Variants in RIT2 observed in about 807,000 individuals in gnomAD.
The protein encoded by RIT2 is GTP-binding protein Rit2.
In RIT2, 24 loss-of-function variants were observed where a neutral mutation model predicts 23.7. The observed-to-expected ratio is 1.01, with a 90% CI of 0.73 to 1.43. RIT2 has a LOEUF of 1.43. Ranked by LOEUF, RIT2 falls within the 40% of genes most tolerant of loss-of-function variation. The pLI is 0.00. For synonymous variants in RIT2, 107 were observed against 91.1 expected (o/e 1.17, Z -0.99); for missense variants, 236 against 266.9 (o/e 0.88, Z 0.81).
At chr18:42,751,706 C>A (rs1033174725) in intron 4 of RIT2, among the ~76,000 whole-genome samples, 1 of 151,818 alleles carries the variant, frequency 6.6e-6, no homozygotes, top group African/African-American at 2.4e-5. Context: ...TTCACATGAT[C>A]TTAGATTTAT....
chr18:42,820,640 G>A (rs1668891957), intron 4 of RIT2, among the ~76,000 whole-genome samples: 2 of 152,112 alleles, frequency 1.3e-5, no homozygotes, highest in African/African-American at 4.8e-5. Flanking sequence ...AGCCTATTAA[G>A]GTGGGTCTCT....
intron 1 of RIT2, among the ~76,000 whole-genome samples, chr18:43,070,777 C>T (rs1009699571): frequency 6.6e-6 from 1 of 152,152 alleles, no homozygotes; most frequent in South Asian, 2.1e-4. Flanking sequence ...ATGATAATGC[C>T]TGTGAGAAAT....
intron 1 of RIT2, among the ~76,000 whole-genome samples, chr18:43,095,311 G>A (rs770750123): frequency 4.6e-5 from 7 of 151,844 alleles, no homozygotes; most frequent in East Asian, 1.9e-4. Flanking sequence ...TCTGATGACC[G>A]GTGATGATGA....
At chr18:42,766,655 T>C (rs1913429148) in intron 4 of RIT2, among the ~76,000 whole-genome samples, 2 of 152,206 alleles carry the variant, frequency 1.3e-5, no homozygotes, top group Middle Eastern at 3.2e-3. Context: ...AGGACCCTAA[T>C]GTTAAACCCC....
intron 2 of RIT2, among the ~76,000 whole-genome samples, chr18:43,005,936 A>G (rs1911217201): frequency 6.6e-6 from 1 of 151,770 alleles, no homozygotes; most frequent in African/African-American, 2.4e-5. Flanking sequence ...GAGGGCAAGA[A>G]ATCCTCAGAA....
chr18:42,924,939 G>A (rs1598717152), intron 3 of RIT2, among the ~76,000 whole-genome samples: 1 of 152,020 alleles, frequency 6.6e-6, no homozygotes, highest in Non-Finnish European at 1.5e-5. Flanking sequence ...GTTAATAAGT[G>A]AATTTCACCA....
intron 4 of RIT2, among the ~76,000 whole-genome samples, chr18:42,912,354 T>G (rs1197579962): frequency 2.0e-5 from 3 of 151,862 alleles, no homozygotes; most frequent in African/African-American, 7.2e-5. Context: ...GCTTTGCTTC[T>G]AAGATTGGGC....
chr18:42,937,878 C>G (rs1229438424), intron 3 of RIT2, among the ~76,000 whole-genome samples: 4 of 152,116 alleles, frequency 2.6e-5, no homozygotes, highest in Non-Finnish European at 5.9e-5. Context: ...TACAACTCTT[C>G]AAGAGGCAAG....
chr18:42,824,807 C>T (rs1906250327), intron 4 of RIT2, among the ~76,000 whole-genome samples: 1 of 150,852 alleles, frequency 6.6e-6, no homozygotes, highest in Non-Finnish European at 1.5e-5. Flanking sequence ...GAGAAAAAAA[C>T]TAAGGAGAAA....
chr18:43,019,099 G>A (rs1036462106), intron 2 of RIT2, among the ~76,000 whole-genome samples: 15 of 151,780 alleles, frequency 9.9e-5, no homozygotes, highest in East Asian at 3.9e-4. Flanking sequence ...GATATAGACT[G>A]GCTGAATAGA....
At chr18:43,055,735 G>T (rs1352811289) in intron 1 of RIT2, among the ~76,000 whole-genome samples, 1 of 152,050 alleles carries the variant, frequency 6.6e-6, no homozygotes, top group Admixed American at 6.6e-5. Context: ...TACCAAGGAT[G>T]GTACTGGAAG....
intron 4 of RIT2, among the ~76,000 whole-genome samples, chr18:42,853,495 C>A (rs1211201147): frequency 2.0e-5 from 3 of 152,034 alleles, no homozygotes; most frequent in Non-Finnish European, 4.4e-5. Context: ...TATTTTCTAG[C>A]CTTTGCACGT....
chr18:43,113,539 G>C (rs1004037391), intron 1 of RIT2, among the ~76,000 whole-genome samples: 1 of 152,128 alleles, frequency 6.6e-6, no homozygotes, highest in Non-Finnish European at 1.5e-5. Flanking sequence ...AAAATCCATA[G>C]TCATTGGAAC....
At chr18:43,038,658 T>C (rs994250464) in intron 1 of RIT2, among the ~76,000 whole-genome samples, 1 of 152,186 alleles carries the variant, frequency 6.6e-6, no homozygotes, top group Non-Finnish European at 1.5e-5. Context: ...TTTAAATTCA[T>C]CTACACACGA....
chr18:42,980,890 A>G (rs1910584180), intron 2 of RIT2, among the ~76,000 whole-genome samples: 3 of 152,196 alleles, frequency 2.0e-5, no homozygotes, highest in Admixed American at 2.0e-4. Flanking sequence ...CCCTGGCAAG[A>G]GTATGCAGAA....
At chr18:42,826,135 A>G (rs73470009) in intron 4 of RIT2, among the ~76,000 whole-genome samples, 2,393 of 152,142 alleles carry the variant, frequency 0.016, 64 homozygotes, top group African/African-American at 0.055. Flanking sequence ...TTCATTGTAT[A>G]TTTATTTGAG....
intron 1 of RIT2, among the ~76,000 whole-genome samples, chr18:43,043,541 A>G (rs1015107118): frequency 6.6e-6 from 1 of 152,224 alleles, no homozygotes; most frequent in Non-Finnish European, 1.5e-5. Context: ...CTTGTAACCC[A>G]GCACTTTGGG....
At chr18:42,911,266 C>G (rs1019165093) in intron 4 of RIT2, among the ~76,000 whole-genome samples, 1 of 151,536 alleles carries the variant, frequency 6.6e-6, no homozygotes, top group African/African-American at 2.4e-5. Context: ...TATAAGAAGA[C>G]ATAAAGAAGA....
chr18:43,006,258 A>C (rs1911225872), intron 2 of RIT2, among the ~76,000 whole-genome samples: 1 of 151,640 alleles, frequency 6.6e-6, no homozygotes, highest in Admixed American at 6.6e-5. Context: ...AAAGTGTATA[A>C]AAAGTTAAAG....
Sources: gnomAD v4.1 joint callset for allele counts (sites outside exome capture counted in the v4.1 genomes callset) on GRCh38, gnomAD v4.1.1 for gene constraint, MANE v1.5 for transcripts, NCBI Gene and HGNC (gene_info 2026-07-23, HGNC 2026-07-21) for gene names.